TNIK: variants seen among roughly 807,000 people sequenced by gnomAD.
The protein encoded by TNIK is TRAF2 and NCK interacting kinase, also known as TRAF2 and NCK-interacting protein kinase.
TNIK carries 49 observed loss-of-function variants against 191.3 expected under a neutral mutation model. The ratio of observed to expected loss-of-function variants is 0.26; its 90% CI spans 0.20 to 0.32. The LOEUF (loss-of-function observed/expected upper bound fraction) is 0.32, where lower values mean the gene tolerates loss of function less well. Ranked by LOEUF, TNIK falls within the 10% of genes least tolerant of loss-of-function variation. The pLI is 1.00. For missense variants in TNIK, 1,155 were observed against 1,702.3 expected, an observed-to-expected ratio of 0.68 and a Z score of 5.66; for synonymous variants, 594 against 600.9, an observed-to-expected ratio of 0.99 and a Z score of 0.17.
chr3:171,222,332 T>G (rs1560283168), intron 3 of TNIK, among the ~76,000 whole-genome samples: 1 of 152,164 alleles, frequency 6.6e-6, no homozygotes, highest in Non-Finnish European at 1.5e-5. Context: ...TGTCAATTCC[T>G]TTGTAAAATA....
intron 9 of TNIK, among the ~76,000 whole-genome samples, chr3:171,168,171 C>T (rs1018290178): frequency 3.3e-5 from 5 of 152,182 alleles, no homozygotes; most frequent in East Asian, 1.9e-4. Flanking sequence ...GAGTTAAGCA[C>T]GCATGTTCTT....
At chr3:171,079,338 C>T (rs1720383817) in intron 28 of TNIK, among the ~76,000 whole-genome samples, 180 bp downstream of exon 28, 1 of 152,196 alleles carries the variant, frequency 6.6e-6, no homozygotes, top group South Asian at 2.1e-4. Flanking sequence ...TCTGAATGCA[C>T]TCTTTCAATT....
At chr3:171,223,095 C>T (rs1196667163) in intron 3 of TNIK, among the ~76,000 whole-genome samples, 2 of 152,188 alleles carry the variant, frequency 1.3e-5, no homozygotes, top group Non-Finnish European at 2.9e-5. Context: ...CCTAATGTGT[C>T]TAGATTCATC....
intron 1 of TNIK, among the ~76,000 whole-genome samples, chr3:171,436,769 G>A (rs560768804): frequency 6.6e-6 from 1 of 152,280 alleles, no homozygotes; most frequent in Admixed American, 6.5e-5. Context: ...AGACACTAGA[G>A]GCTATCATCA....
chr3:171,302,197 G>A (rs999771954), intron 2 of TNIK, among the ~76,000 whole-genome samples: 1 of 152,118 alleles, frequency 6.6e-6, no homozygotes, highest in Non-Finnish European at 1.5e-5. Flanking sequence ...GGGGCCACTT[G>A]GATGAAGCCT....
chr3:171,272,461 T>G (rs1297771720), intron 2 of TNIK, among the ~76,000 whole-genome samples: 1 of 152,240 alleles, frequency 6.6e-6, no homozygotes, highest in East Asian at 1.9e-4. Context: ...TGGGGAGCCA[T>G]GAAGGAAAAT....
intron 2 of TNIK, among the ~76,000 whole-genome samples, chr3:171,302,801 C>A (rs912756887): frequency 6.6e-6 from 1 of 152,082 alleles, no homozygotes. Flanking sequence ...TCTCTCATTG[C>A]CCTTTTATAA....
intron 27 of TNIK, 116 bp from the exon 28 acceptor site, chr3:171,079,768 G>T (rs2108357173): frequency 8.1e-7 from 1 of 1,236,638 alleles, no homozygotes. Flanking sequence ...TGTGTATGAA[G>T]GCATAATAAC....
intron 5 of TNIK, 34 bp from the exon 6 acceptor site, chr3:171,190,821 GAACAT>G: frequency 6.7e-7 from 1 of 1,492,672 alleles, no homozygotes; most frequent in Non-Finnish European, 9.1e-7. Context: ...GGGTTAATAG[GAACAT>G]AAGCCAAGAT....
At chr3:171,175,954 G>A (rs995319788) in intron 8 of TNIK, among the ~76,000 whole-genome samples, 1 of 152,118 alleles carries the variant, frequency 6.6e-6, no homozygotes, top group Non-Finnish European at 1.5e-5. Flanking sequence ...ACAGAGTCTG[G>A]CAGAAAAACA....
intron 26 of TNIK, among the ~76,000 whole-genome samples, chr3:171,083,788 C>G (rs565241888): frequency 6.6e-6 from 1 of 152,068 alleles, no homozygotes; most frequent in Non-Finnish European, 1.5e-5. Context: ...GGAGAATGAA[C>G]GTGGGGTATA....
At chr3:171,418,479 C>T (rs1436267759) in intron 1 of TNIK, among the ~76,000 whole-genome samples, 3 of 152,182 alleles carry the variant, frequency 2.0e-5, no homozygotes, top group Non-Finnish European at 4.4e-5. Flanking sequence ...ACAACATTTA[C>T]AGTCTCCACA....
intron 1 of TNIK, among the ~76,000 whole-genome samples, chr3:171,401,444 G>A (rs2108575840): frequency 6.6e-6 from 1 of 152,240 alleles, no homozygotes; most frequent in South Asian, 2.1e-4. Flanking sequence ...TAGAAAGGAG[G>A]AAAGGGTGAT....
At chr3:171,220,212 G>A (rs1742121518) in intron 3 of TNIK, among the ~76,000 whole-genome samples, 1 of 152,074 alleles carries the variant, frequency 6.6e-6, no homozygotes, top group Non-Finnish European at 1.5e-5. Flanking sequence ...AGGACACAGG[G>A]AGGAGAATAT....
chr3:171,326,096 T>A (rs1235307801), intron 2 of TNIK, among the ~76,000 whole-genome samples: 1 of 152,134 alleles, frequency 6.6e-6, no homozygotes, highest in Non-Finnish European at 1.5e-5. Flanking sequence ...ATGTTTCCAA[T>A]ATCAAGATTA....
At chr3:171,305,009 T>TAAAAAAAAAAA (rs36069177) in intron 2 of TNIK, among the ~76,000 whole-genome samples, 2 of 77,260 alleles carry the variant, frequency 2.6e-5, no homozygotes, top group Non-Finnish European at 2.9e-5. Context: ...AAAGTATAAT[T>TAAAAAAAAAAA]AAAAAAAAAA....
At chr3:171,140,166 C>T (rs1023641465) in intron 13 of TNIK, among the ~76,000 whole-genome samples, 22 of 152,146 alleles carry the variant, frequency 1.4e-4, no homozygotes, top group Non-Finnish European at 2.5e-4. Context: ...TTGGGAGAAT[C>T]GGAAGATCCG....
At chr3:171,198,133 A>T (rs1400215771) in intron 4 of TNIK, among the ~76,000 whole-genome samples, 1 of 152,138 alleles carries the variant, frequency 6.6e-6, no homozygotes. Context: ...ATCACGTAAA[A>T]CATTATGCTA....
chr3:171,298,310 G>A (rs1307865558), intron 2 of TNIK, among the ~76,000 whole-genome samples: 1 of 152,148 alleles, frequency 6.6e-6, no homozygotes, highest in African/African-American at 2.4e-5. Context: ...TTTGTAAAAT[G>A]TTAAGCATTA....
Sources: allele counts gnomAD v4.1 joint callset (sites outside exome capture counted in the v4.1 genomes callset), GRCh38; gene constraint gnomAD v4.1.1; transcripts MANE v1.5; gene names NCBI Gene and HGNC (gene_info 2026-07-23, HGNC 2026-07-21).